MAGEC3: variants seen among roughly 807,000 people sequenced by gnomAD.
MAGEC3 encodes the protein MAGE family member C3.
In MAGEC3, 34 loss-of-function variants were observed where a neutral mutation model predicts 35.3. The observed-to-expected ratio is 0.96, with a 90% CI of 0.73 to 1.28. The LOEUF is 1.28. Ranked by LOEUF, MAGEC3 falls within the 50% of genes most tolerant of loss-of-function variation. The probability of loss-of-function intolerance (pLI) is 0.00; values close to 1 mark genes in which losing one functional copy is unlikely to be tolerated. For missense variants in MAGEC3, 561 were observed against 483.6 expected (o/e 1.16, Z -1.50); for synonymous variants, 202 against 185.6 (o/e 1.09, Z -0.72).
intron 1 of MAGEC3, among the ~76,000 whole-genome samples, chrX:141,844,339 C>T (rs1278165422): frequency 9.0e-6 from 1 of 110,830 alleles, no homozygotes; most frequent in Non-Finnish European, 1.9e-5. Context: ...TGGGCCTAAT[C>T]CCTTCTCATT....
intron 1 of MAGEC3, among the ~76,000 whole-genome samples, chrX:141,850,228 G>A (rs1282933740): frequency 9.0e-6 from 1 of 110,522 alleles, no homozygotes; most frequent in East Asian, 2.9e-4. Flanking sequence ...ACTAGAGCAG[G>A]GAGGGAGGAA....
At chrX:141,889,714 G>C (rs758616147) in intron 4 of MAGEC3, among the ~76,000 whole-genome samples, 1 of 111,796 alleles carries the variant, frequency 8.9e-6, no homozygotes, top group East Asian at 2.8e-4. Context: ...GCCCAATCCA[G>C]GTAGGACTAC....
chrX:141,886,950 C>T (rs2018006825), intron 4 of MAGEC3, among the ~76,000 whole-genome samples: 1 of 111,839 alleles, frequency 8.9e-6, no homozygotes, highest in Non-Finnish European at 1.9e-5. Context: ...TGATTCCCAC[C>T]ACATCCCCCT....
intron 3 of MAGEC3, 143 bp downstream of exon 3, chrX:141,879,574 G>T: frequency 2.7e-6 from 2 of 731,722 alleles, no homozygotes; most frequent in Non-Finnish European, 3.9e-6. Context: ...GCAGGAAGGG[G>T]TGGAGAAGGG....
intron 4 of MAGEC3, among the ~76,000 whole-genome samples, chrX:141,884,011 C>T (rs1296729694): frequency 8.8e-6 from 1 of 113,245 alleles, no homozygotes; most frequent in African/African-American, 3.2e-5. Flanking sequence ...ATTAGAATCT[C>T]TCATGGTAGG....
At chrX:141,863,452 C>G (rs2017828167) in intron 1 of MAGEC3, among the ~76,000 whole-genome samples, 2 of 111,116 alleles carry the variant, frequency 1.8e-5, no homozygotes, top group Admixed American at 9.6e-5. Context: ...AAGAATGAAC[C>G]CTAGCTAAAT....
chrX:141,895,534 G>T lies in MAGEC3; in HGVS notation c.1098G>T (p.Ala366=). ...ATGGCCGCCGAGGGCTGACCGAGGC[G>T]TCCCCACAACAGAAGAAGGGAGGAG... ...QEDGRRGLTE[A]SPQQKKGGED... Residue 366 remains alanine (A), a synonymous_variant, in exon 6 of 8, where the codon GCG becomes GCT. Coordinates refer to ENST00000298296, the MANE Select transcript of MAGEC3 (RefSeq NM_138702.1). 8.3e-7 allele frequency: 1 copy of T among 1,208,271 alleles called. No homozygotes were observed. The highest frequency in any genetic ancestry group is 1.1e-6 in the Non-Finnish European group (1 of 893,507).
In MAGEC3 at chrX:141,895,524, T is replaced by G; in HGVS notation, c.1088T>G (p.Leu363Arg). 8.3e-7 allele frequency: 1 copy of G among 1,208,769 alleles called. No homozygotes were observed. Residue 363 changes from leucine to arginine, a missense_variant, in exon 6 of 8, where the codon CTG (leucine) becomes CGG (arginine). Coordinates refer to ENST00000298296, the MANE Select transcript of MAGEC3 (RefSeq NM_138702.1). ...AGACAGGAAGATGGCCGCCGAGGGCTGACCGAGGCGTCCCCACAACAGAAG... is the reference window on the plus strand; with the variant it reads ...AGACAGGAAGATGGCCGCCGAGGGCGGACCGAGGCGTCCCCACAACAGAAG... ...GHRQEDGRRG[L>R]TEASPQQKKG...
At chrX:141,849,832 AT>A (rs776237106) in intron 1 of MAGEC3, among the ~76,000 whole-genome samples, 14 of 111,217 alleles carry the variant, frequency 1.3e-4, no homozygotes, top group Non-Finnish European at 2.5e-4. Flanking sequence ...GGAGTTGGAG[AT>A]TTATCAAAGA....
At chrX:141,855,750 T>C (rs1029809552) in intron 1 of MAGEC3, among the ~76,000 whole-genome samples, 14 of 111,524 alleles carry the variant, frequency 1.3e-4, no homozygotes, top group Non-Finnish European at 2.5e-4. Context: ...AAATTGAAAA[T>C]AGTTAATTTT....
intron 4 of MAGEC3, among the ~76,000 whole-genome samples, chrX:141,886,053 G>C (rs992243940): frequency 4.5e-5 from 5 of 110,861 alleles, no homozygotes; most frequent in African/African-American, 1.6e-4. Context: ...GAGGTGCAGG[G>C]GTCAAGTGGC....
rs187995220 is a variant in MAGEC3, at chrX:141,897,307, G to C, written c.1549G>C (p.Asp517His). 8.3e-7 allele frequency: 1 copy of C among 1,210,085 alleles called. No homozygotes were observed. Among genetic ancestry groups the C allele is most frequent in the Non-Finnish European group, 1.1e-6 (1 of 895,212 alleles). The change falls in exon 7 of 8, where the codon GAC (aspartate) becomes CAC (histidine). Residue 517 changes from aspartate (D) to histidine (H), a missense_variant. Transcript: ENST00000298296. ...TTTTGGCATTGCCCTGACTGATATG[G>C]ACCCCGACAACCACTCCTATTTCTT... ...LIFGIALTDM[D>H]PDNHSYFFED...
At chrX:141,880,841 C>T (rs1464998224) in intron 3 of MAGEC3, 19 of 1,131,333 alleles carry the variant, frequency 1.7e-5, no homozygotes, top group Admixed American at 4.4e-5. Flanking sequence ...AGCTGTAAGC[C>T]GGCCTTTGTC....
At chrX:141,846,342 C>T (rs2124082940) in intron 1 of MAGEC3, among the ~76,000 whole-genome samples, 1 of 109,718 alleles carries the variant, frequency 9.1e-6, no homozygotes, top group African/African-American at 3.3e-5. Context: ...ACTTGCTGGC[C>T]TAAGAGGGGG....
chrX:141,897,594 T>C, intron 7 of MAGEC3, 35 bp from the exon 8 acceptor site: 1 of 1,198,613 alleles, frequency 8.3e-7, no homozygotes, highest in South Asian at 1.8e-5. Flanking sequence ...CCAACAGTGC[T>C]CCTCCACGTT....
rs778234126 is a variant in MAGEC3 at position 141,881,731 on chromosome X, G to A, written c.844G>A (p.Val282Met). Residue 282 changes from valine (V) to methionine (M), a missense_variant, in exon 4 of 8, where the codon GTG becomes ATG. Coordinates refer to ENST00000298296, the MANE Select transcript of MAGEC3 (RefSeq NM_138702.1). ...QNRLLILILSVIFIKGNCASE... is the reference protein window; with the variant it reads ...QNRLLILILSMIFIKGNCASE... ...CCGCCTCCTGATTCTTATTCTGAGT[G>A]TGATCTTCATAAAGGGCAACTGTGC... The A allele has an allele frequency of 5.8e-6, 7 of 1,211,597 alleles. No homozygotes were observed. Among genetic ancestry groups the A allele is most frequent in the Middle Eastern group, 2.3e-4 (1 of 4,351 alleles).
chrX:141,879,558 A>G (rs750369850), intron 3 of MAGEC3, 127 bp downstream of exon 3: 2 of 832,252 alleles, frequency 2.4e-6, no homozygotes, highest in South Asian at 3.0e-5. Flanking sequence ...GGGGCCCAGG[A>G]GATGGGCAGG....
At chrX:141,846,805 T>A (rs1390674524) in intron 1 of MAGEC3, among the ~76,000 whole-genome samples, 2 of 111,075 alleles carry the variant, frequency 1.8e-5, no homozygotes, top group African/African-American at 6.5e-5. Flanking sequence ...AGCTCCATTG[T>A]TAAATTATGA....
intron 1 of MAGEC3, among the ~76,000 whole-genome samples, chrX:141,856,879 T>A (rs2017784248): frequency 8.9e-6 from 1 of 112,063 alleles, no homozygotes; most frequent in Admixed American, 9.5e-5. Flanking sequence ...TACCACAATT[T>A]GGCTTTCATT....
Sources: allele counts gnomAD v4.1 joint callset (sites outside exome capture counted in the v4.1 genomes callset), GRCh38; gene constraint gnomAD v4.1.1; transcripts MANE v1.5; gene names NCBI Gene and HGNC (gene_info 2026-07-23, HGNC 2026-07-21).